Variants in KCNU1 observed in about 807,000 individuals in gnomAD.
The protein encoded by KCNU1 is potassium calcium-activated channel subfamily U member 1.
In KCNU1, 93 loss-of-function variants were observed where a neutral mutation model predicts 126.8. The observed-to-expected ratio is 0.73, with a 90% CI of 0.62 to 0.87. The LOEUF is 0.87. KCNU1 is among the 40% of genes least tolerant of loss of function. The pLI is 0.00. For missense variants in KCNU1, 1,330 were observed against 1,367.1 expected, an observed-to-expected ratio of 0.97 and a Z score of 0.43; for synonymous variants, 523 against 494.2, an observed-to-expected ratio of 1.06 and a Z score of -0.77.
chr8:36,803,540 G>A (rs1420248890), intron 2 of KCNU1, among the ~76,000 whole-genome samples: 1 of 151,934 alleles, frequency 6.6e-6, no homozygotes, highest in African/African-American at 2.4e-5. Flanking sequence ...TGAAAATTCT[G>A]GCTATCCTTT....
intron 24 of KCNU1, among the ~76,000 whole-genome samples, chr8:36,923,251 G>A (rs1235187378): frequency 2.6e-5 from 4 of 152,190 alleles, no homozygotes; most frequent in Non-Finnish European, 4.4e-5. Flanking sequence ...CACTGTTGGG[G>A]TGCTGGGGAA....
intron 13 of KCNU1, 34 bp downstream of exon 13, chr8:36,836,399 C>T (rs1804750827): frequency 7.2e-7 from 1 of 1,389,712 alleles, no homozygotes; most frequent in South Asian, 1.2e-5. Context: ...CCATCTCCTC[C>T]TTTTATCTAT....
chr8:36,863,694 A>T (rs1000910843), intron 18 of KCNU1, among the ~76,000 whole-genome samples: 4 of 152,122 alleles, frequency 2.6e-5, no homozygotes, highest in Non-Finnish European at 5.9e-5. Flanking sequence ...GCATGATTGT[A>T]TATCAACATA....
chr8:36,796,315 A>G (rs1418355998), intron 2 of KCNU1, among the ~76,000 whole-genome samples: 1 of 152,198 alleles, frequency 6.6e-6, no homozygotes, highest in African/African-American at 2.4e-5. Context: ...TTTGTTGCCT[A>G]GTACATGATC....
intron 19 of KCNU1, among the ~76,000 whole-genome samples, chr8:36,898,915 T>A (rs1489396365): frequency 2.0e-5 from 3 of 152,078 alleles, no homozygotes; most frequent in Non-Finnish European, 4.4e-5. Context: ...TTATTAAAGG[T>A]ACCTGCTGCT....
chr8:36,795,661 TACTTG>T (rs1243138989), intron 2 of KCNU1: 1 of 152,376 alleles, frequency 6.6e-6, no homozygotes, highest in Non-Finnish European at 1.5e-5. Context: ...GATCTGGCTG[TACTTG>T]ACTTCCTTCT....
chr8:36,803,966 G>A, intron 2 of KCNU1, 61 bp from the exon 3 acceptor site: 11 of 1,124,202 alleles, frequency 9.8e-6, no homozygotes, highest in Non-Finnish European at 1.4e-5. Context: ...ACACACTTTT[G>A]TCGATTTATT....
At chr8:36,931,227 C>A in intron 25 of KCNU1, 82 bp downstream of exon 25, 1 of 821,082 alleles carries the variant, frequency 1.2e-6, no homozygotes, top group South Asian at 2.0e-5. Flanking sequence ...TATTTGGGTT[C>A]ATAGATGTCC....
At chr8:36,819,338 A>T (rs1804038826) in intron 10 of KCNU1, among the ~76,000 whole-genome samples, 1 of 152,132 alleles carries the variant, frequency 6.6e-6, no homozygotes, top group Admixed American at 6.6e-5. Context: ...AACAAACAAA[A>T]ATCAAAGAAG....
At chr8:36,817,570 C>G in intron 9 of KCNU1, 80 bp from the exon 10 acceptor site, 1 of 659,712 alleles carries the variant, frequency 1.5e-6, no homozygotes, top group Non-Finnish European at 2.7e-6. Flanking sequence ...TAAGTTTAAG[C>G]CAATTATTTA....
In KCNU1 at chr8:36,787,406, C is replaced by A. The variant is rs778971182; in HGVS notation, c.296C>A (p.Thr99Asn). The part of the protein sequence containing the change: ...DHIEMLLSAQ[T>N]FVGQVLVILV... ...ATAGAAATGTTGCTTTCAGCCCAGA[C>A]CTTTGTGGGGCAAGTGTTGGTAAGT... The change falls in exon 2 of 27, where the codon ACC becomes AAC. Residue 99 changes from threonine to asparagine, a missense_variant. Coordinates refer to ENST00000399881, the MANE Select transcript of KCNU1 (RefSeq NM_001031836.3). 6.2e-6 allele frequency: 10 copies of A among 1,610,872 alleles called. No individual in the cohort carries two copies. The highest frequency in any genetic ancestry group is 8.5e-6 in the Non-Finnish European group (10 of 1,178,324).
intron 24 of KCNU1, among the ~76,000 whole-genome samples, chr8:36,929,863 T>C (rs1487347704): frequency 6.6e-6 from 1 of 152,050 alleles, no homozygotes; most frequent in East Asian, 1.9e-4. Context: ...TGATTTGTGT[T>C]TCTGGGAATT....
chr8:36,791,550 G>T (rs957047831), intron 2 of KCNU1, among the ~76,000 whole-genome samples: 3 of 151,922 alleles, frequency 2.0e-5, no homozygotes, highest in African/African-American at 7.3e-5. Context: ...CCTTTTCTGT[G>T]AATGTGTAAT....
At chr8:36,825,336 T>A (rs1804278999) in intron 10 of KCNU1, among the ~76,000 whole-genome samples, 1 of 152,182 alleles carries the variant, frequency 6.6e-6, no homozygotes, top group African/African-American at 2.4e-5. Flanking sequence ...TCGTTAGACC[T>A]TTTTTATTTG....
intron 22 of KCNU1, among the ~76,000 whole-genome samples, chr8:36,913,509 C>A (rs183897054): frequency 6.6e-6 from 1 of 151,570 alleles, no homozygotes; most frequent in South Asian, 2.1e-4. Context: ...ATTTGTGTGA[C>A]GGGGAAATAT....
intron 20 of KCNU1, among the ~76,000 whole-genome samples, chr8:36,907,412 C>T (rs1381693652): frequency 6.6e-6 from 1 of 152,124 alleles, no homozygotes; most frequent in East Asian, 1.9e-4. Flanking sequence ...TAGTTCTACT[C>T]AGAAAAGCAA....
intron 6 of KCNU1, 106 bp downstream of exon 6, chr8:36,807,556 C>T (rs943472330): frequency 2.7e-5 from 23 of 843,902 alleles, no homozygotes; most frequent in Admixed American, 1.2e-4. Flanking sequence ...AATTTCAGTG[C>T]AAAGATCATG....
intron 19 of KCNU1, among the ~76,000 whole-genome samples, chr8:36,877,650 T>A (rs1404424574): frequency 6.6e-6 from 1 of 152,174 alleles, no homozygotes; most frequent in Admixed American, 6.5e-5. Flanking sequence ...TACTGTCTTC[T>A]CTTCCTAGAC....
Position 36,910,926 on chromosome 8 carries a change from T to C in KCNU1, c.2332-4T>C. 6.3e-7 allele frequency: 1 copy of C among 1,598,438 alleles called. No individual in the cohort carries two copies. The highest frequency in any genetic ancestry group is 1.1e-5 in the South Asian group (1 of 89,786). On this transcript the variant is annotated splice_region_variant and splice_polypyrimidine_tract_variant and intron_variant, in intron 21 of 26. Transcript: ENST00000399881. ...GTGCCTCCTCTCTCTTTTCCTCTCA[T>C]TAGGGATGTGCACTTTATTCTGGAG...
Sources: allele counts gnomAD v4.1 joint callset (sites outside exome capture counted in the v4.1 genomes callset), GRCh38; gene constraint gnomAD v4.1.1; transcripts MANE v1.5; gene names NCBI Gene and HGNC (gene_info 2026-07-23, HGNC 2026-07-21).